The following BCL7A variants were observed in gnomAD, a reference collection of about 807,000 sequenced individuals.
The protein encoded by BCL7A is BAF chromatin remodeling complex subunit BCL7A, also known as B-cell CLL/lymphoma 7 protein family member A.
Under a neutral mutation model 28.4 loss-of-function variants are expected in BCL7A, and 11 were observed. The ratio of observed to expected loss-of-function variants is 0.39; its 90% CI spans 0.24 to 0.64. BCL7A has a LOEUF of 0.64. BCL7A is among the 30% of genes least tolerant of loss of function. The pLI, the probability that BCL7A is intolerant of heterozygous loss-of-function variation, is 0.50. For missense variants in BCL7A, 222 were observed against 274.8 expected (o/e 0.81, Z 1.36); for synonymous variants, 123 against 103.3 (o/e 1.19, Z -1.15).
chr12:122,054,562 G>T (rs1262331853), intron 4 of BCL7A, among the ~76,000 whole-genome samples: 5 of 152,198 alleles, frequency 3.3e-5, no homozygotes, highest in Non-Finnish European at 5.9e-5. Flanking sequence ...AGGGCCCTCA[G>T]CAGCTAAGTG....
rs184913923 is a variant in BCL7A at position 122,039,085 on chromosome 12, G to A, written c.271+3658G>A. 1.8e-3 allele frequency among the ~76,000 whole-genome samples: 277 copies of A among 151,936 alleles called. 1 individual carries two copies. Among genetic ancestry groups the A allele is most frequent in the Middle Eastern group, 0.01 (3 of 294 alleles). ...GCCAAGGCGGGCAGATCATGAGGTT[G>A]GGAGATCGAGACCATCCTGGCTAAC... On this transcript the variant is annotated intron_variant, in intron 3 of 5. Transcript: ENST00000261822.
At chr12:122,028,515 T>G (rs1341376280) in intron 1 of BCL7A, among the ~76,000 whole-genome samples, 2 of 152,114 alleles carry the variant, frequency 1.3e-5, no homozygotes, top group African/African-American at 4.8e-5. Flanking sequence ...CCAATCTGCA[T>G]GGAGTCCTGG....
At chr12:122,043,832 C>A in intron 3 of BCL7A, 54 bp from the exon 4 acceptor site, 1 of 1,539,038 alleles carries the variant, frequency 6.5e-7, no homozygotes, top group Non-Finnish European at 8.8e-7. Flanking sequence ...CTGACCTACC[C>A]GTCCTTGGCA....
intron 1 of BCL7A, among the ~76,000 whole-genome samples, chr12:122,023,735 T>G (rs1883535580): frequency 6.6e-6 from 1 of 152,220 alleles, no homozygotes; most frequent in African/African-American, 2.4e-5. Flanking sequence ...CATTTAAAAA[T>G]GGCAGAAACA....
chr12:122,061,417 CCCACCACGG>C lies in BCL7A; in HGVS notation c.*2259_*2267del. On this transcript the variant is annotated 3_prime_UTR_variant, in exon 6 of 6. Transcript: ENST00000261822. ...GGCCGGCGATTGGGACCAGCTGGGC[CCCACCACGG>C]CCACGCCAGGCAAAGCGCCAGCAGC... 4.3e-6 allele frequency: 1 copy of C among 231,940 alleles called. No individual in the cohort carries two copies. The highest frequency in any genetic ancestry group is 1.3e-3 in the Middle Eastern group (1 of 782). The allele number at this position is 231,940 out of a possible 1,614,324, so 14.4% of individuals were successfully genotyped here.
In BCL7A at chr12:122,059,252, G is replaced by A. The variant is rs1951900432; in HGVS notation, c.*89G>A. ...AACTTTGCCCCAGCGATTCCTCTTG[G>A]GTGCGAACAGAACTACTAACGTTTC... On this transcript the variant is annotated 3_prime_UTR_variant, in exon 6 of 6. Transcript: ENST00000261822. This position sits in a 1 kb window ranked among gnomAD's most constrained non-coding sequence, Gnocchi z 4.0. The A allele has an allele frequency of 8.0e-7, 1 of 1,255,498 alleles. No individual in the cohort carries two copies. The allele number at this position is 1,255,498 out of a possible 1,614,324, so 77.8% of individuals were successfully genotyped here.
intron 4 of BCL7A, among the ~76,000 whole-genome samples, chr12:122,049,743 C>T (rs1033214346): frequency 6.6e-6 from 1 of 152,124 alleles, no homozygotes. Context: ...TTTTGTTTTG[C>T]ACATGCAGTC....
intron 4 of BCL7A, among the ~76,000 whole-genome samples, chr12:122,051,854 TTCTC>T (rs1202518506): frequency 6.7e-4 from 99 of 147,920 alleles, no homozygotes; most frequent in Middle Eastern, 3.5e-3. Flanking sequence ...ATAACATGAT[TTCTC>T]TCTCTCTCTT....
chr12:122,035,633 A>G (rs1028278382), intron 3 of BCL7A, among the ~76,000 whole-genome samples: 1 of 152,238 alleles, frequency 6.6e-6, no homozygotes, highest in Admixed American at 6.5e-5. Context: ...GCCAAGAGAC[A>G]TAAACTAAGC....
At position 122,044,026 on chromosome 12, in the gene BCL7A, G is replaced by A. The variant is rs1340015757; in HGVS notation, c.412G>A (p.Asp138Asn). ...TEAKVDEAQA[D>N]GKEHPGAEDA... is the part of the protein sequence containing the mutation. ...GGCCAAGGTGGATGAGGCCCAGGCTGATGGGAAGGAGCACCCAGGAGCTGA... is the reference window on the plus strand; with the variant it reads ...GGCCAAGGTGGATGAGGCCCAGGCTAATGGGAAGGAGCACCCAGGAGCTGA... The change falls in exon 4 of 6, where the codon GAT becomes AAT. Residue 138 changes from aspartate (D) to asparagine (N), a missense_variant. Coordinates refer to ENST00000261822, the MANE Select transcript of BCL7A (RefSeq NM_001024808.3). 2 of 1,613,586 alleles carry A rather than the reference G, an allele frequency of 1.2e-6. No individual in the cohort carries two copies. Among genetic ancestry groups the A allele is most frequent in the South Asian group, 2.2e-5 (2 of 91,012 alleles).
chr12:122,023,125 T>C (rs1883511282), intron 1 of BCL7A, among the ~76,000 whole-genome samples: 2 of 152,344 alleles, frequency 1.3e-5, no homozygotes, highest in African/African-American at 2.4e-5. Flanking sequence ...GATCGAACCT[T>C]TCCGCGGCCT....
At chr12:122,039,701 A>G (rs1341576403) in intron 3 of BCL7A, among the ~76,000 whole-genome samples, 2 of 151,336 alleles carry the variant, frequency 1.3e-5, no homozygotes, top group African/African-American at 2.4e-5. Context: ...TAAAAATACA[A>G]AAATTATTGG....
chr12:122,054,681 T>C, intron 4 of BCL7A, 124 bp from the exon 5 acceptor site: 1 of 934,882 alleles, frequency 1.1e-6, no homozygotes, highest in Non-Finnish European at 1.6e-6. Flanking sequence ...CCCCAGCTCA[T>C]TGTAGCCTTC....
rs1156347676 is a variant in BCL7A, at chr12:122,061,421, C to T, written c.*2258C>T. 2.2e-5 allele frequency: 5 copies of T among 231,842 alleles called. No individual in the cohort carries two copies. Among genetic ancestry groups the T allele is most frequent in the Admixed American group, 5.6e-5 (1 of 17,732 alleles). The allele number at this position is 231,842 out of a possible 1,614,324, so 14.4% of individuals were successfully genotyped here. ...GGCGATTGGGACCAGCTGGGCCCCA[C>T]CACGGCCACGCCAGGCAAAGCGCCA... On this transcript the variant is annotated 3_prime_UTR_variant, in exon 6 of 6. Coordinates refer to ENST00000261822, the MANE Select transcript of BCL7A (RefSeq NM_001024808.3).
At chr12:122,052,129 T>G (rs1884204234) in intron 4 of BCL7A, among the ~76,000 whole-genome samples, 2 of 151,944 alleles carry the variant, frequency 1.3e-5, no homozygotes, top group Admixed American at 1.3e-4. Flanking sequence ...CCTGCCTTGG[T>G]CTCCCAAAAT....
intron 4 of BCL7A, among the ~76,000 whole-genome samples, chr12:122,047,351 G>C (rs1055229944): frequency 2.0e-5 from 3 of 151,332 alleles, no homozygotes; most frequent in South Asian, 2.1e-4. Context: ...GTGAAACCCC[G>C]TCTCTACTAA....
At chr12:122,022,424 G>T (rs1347781774) in intron 1 of BCL7A, among the ~76,000 whole-genome samples, 2 of 144,626 alleles carry the variant, frequency 1.4e-5, no homozygotes, top group Non-Finnish European at 3.1e-5. Context: ...TGGCGCGGCG[G>T]CCCGGAGGCG....
chr12:122,031,318 G>A (rs1883739112), intron 2 of BCL7A, among the ~76,000 whole-genome samples: 1 of 151,950 alleles, frequency 6.6e-6, no homozygotes, highest in South Asian at 2.1e-4. Flanking sequence ...GTGAACCAGT[G>A]CGCCCGGCCT....
chr12:122,044,020 C>T lies in BCL7A; in HGVS notation c.406C>T (p.Gln136Ter). Residue 136 changes from glutamine (Q) to a stop codon, truncating the protein, a stop_gained, in exon 4 of 6, where the codon CAG becomes TAG. Transcript: ENST00000261822. LOFTEE classifies it high-confidence loss of function. ...CACCGAGGCCAAGGTGGATGAGGCC[C>T]AGGCTGATGGGAAGGAGCACCCAGG... ...DGTEAKVDEAQADGKEHPGAE... is the reference protein window; with the variant it reads ...DGTEAKVDEA 1 of 1,613,850 alleles carries T rather than the reference C, an allele frequency of 6.2e-7. No homozygotes were observed. Among genetic ancestry groups the T allele is most frequent in the Non-Finnish European group, 8.5e-7 (1 of 1,179,942 alleles).
Sources: allele counts gnomAD v4.1 joint callset (sites outside exome capture counted in the v4.1 genomes callset), GRCh38; gene constraint gnomAD v4.1.1; non-coding constraint Gnocchi (gnomAD v3.1); transcripts MANE v1.5; gene names NCBI Gene and HGNC (gene_info 2026-07-23, HGNC 2026-07-21).